SORCS2: variants seen among roughly 807,000 people sequenced by gnomAD.
SORCS2 encodes VPS10 domain-containing receptor SorCS2.
SORCS2 carries 100 observed loss-of-function variants against 141.6 expected under a neutral mutation model. That is an observed-to-expected ratio of 0.71 (90% CI 0.60 to 0.83). SORCS2 has a LOEUF of 0.83. Among genes scored for constraint, SORCS2 ranks in the 40% least tolerant of loss-of-function variants. SORCS2 has a pLI of 0.00. For missense variants in SORCS2, 1,646 were observed against 1,560.2 expected (o/e 1.05, Z -0.93); for synonymous variants, 789 against 676.9 (o/e 1.17, Z -2.57).
intron 1 of SORCS2, among the ~76,000 whole-genome samples, chr4:7,347,391 A>G (rs1577427954): frequency 1.3e-5 from 2 of 152,240 alleles, no homozygotes; most frequent in South Asian, 4.1e-4. Flanking sequence ...TCAAGGACAT[A>G]TCAGTGAATA....
chr4:7,565,168 C>A (rs910782977), intron 3 of SORCS2, among the ~76,000 whole-genome samples: 26 of 152,076 alleles, frequency 1.7e-4, no homozygotes, highest in African/African-American at 5.3e-4. Context: ...GACCGAGGAT[C>A]GATAAGACAT....
At chr4:7,661,381 CAG>C (rs1722153825) in intron 5 of SORCS2, 117 bp from the exon 6 acceptor site, 9 of 1,057,256 alleles carry the variant, frequency 8.5e-6, no homozygotes, top group East Asian at 2.6e-5. Flanking sequence ...TCCGGACCCA[CAG>C]AGCAAGGGCG....
chr4:7,634,652 A>G (rs996703751), intron 3 of SORCS2, among the ~76,000 whole-genome samples: 7 of 152,174 alleles, frequency 4.6e-5, no homozygotes, highest in African/African-American at 1.7e-4. Context: ...ATCTTCGAGG[A>G]GGGGGGTAAC....
At chr4:7,242,154 G>T (rs894169995) in intron 1 of SORCS2, among the ~76,000 whole-genome samples, 2 of 152,164 alleles carry the variant, frequency 1.3e-5, no homozygotes, top group Non-Finnish European at 2.9e-5. Context: ...AAGCGGCTGC[G>T]TGAGAGTCAC....
intron 1 of SORCS2, among the ~76,000 whole-genome samples, chr4:7,336,902 G>A (rs1002788417): frequency 3.3e-5 from 5 of 152,170 alleles, no homozygotes; most frequent in African/African-American, 7.2e-5. Context: ...GTGAGATCCT[G>A]GACTTGTCCC....
intron 1 of SORCS2, among the ~76,000 whole-genome samples, chr4:7,335,843 G>A (rs943321390): frequency 6.6e-6 from 1 of 152,238 alleles, no homozygotes; most frequent in Admixed American, 6.5e-5. Context: ...GGGATGCCTG[G>A]CATGGAGTGC....
At chr4:7,426,299 G>A (rs1345147502) in intron 2 of SORCS2, among the ~76,000 whole-genome samples, 1 of 36,422 alleles carries the variant, frequency 2.7e-5, no homozygotes, top group African/African-American at 1.7e-4. Context: ...GTGGCTTTGA[G>A]CCAGGGGAGG....
chr4:7,325,600 G>A (rs1045363930), intron 1 of SORCS2, among the ~76,000 whole-genome samples: 1 of 152,178 alleles, frequency 6.6e-6, no homozygotes, highest in African/African-American at 2.4e-5. Flanking sequence ...TTAACTCTAT[G>A]GATCTGGACT....
chr4:7,226,249 C>G (rs916917238), intron 1 of SORCS2, among the ~76,000 whole-genome samples: 2 of 152,108 alleles, frequency 1.3e-5, no homozygotes, highest in African/African-American at 4.8e-5. Context: ...CTCACTGAGC[C>G]CCTTTGGGAC....
chr4:7,732,948 C>T (rs1711817689), intron 23 of SORCS2, among the ~76,000 whole-genome samples: 1 of 151,932 alleles, frequency 6.6e-6, no homozygotes, highest in African/African-American at 2.4e-5. Context: ...ACTGGTCCAC[C>T]CAGCTCTCCC....
intron 3 of SORCS2, among the ~76,000 whole-genome samples, chr4:7,562,754 C>T (rs1478121494): frequency 6.6e-6 from 1 of 152,184 alleles, no homozygotes; most frequent in East Asian, 1.9e-4. Context: ...TTCCTTGCCT[C>T]TTCCAGCCTC....
intron 2 of SORCS2, among the ~76,000 whole-genome samples, chr4:7,496,273 A>T (rs1731609074): frequency 6.8e-6 from 1 of 147,670 alleles, no homozygotes; most frequent in Non-Finnish European, 1.5e-5. Context: ...TGTGTAGATA[A>T]GGAGCTAGAA....
At chr4:7,519,674 T>C (rs183406373) in intron 2 of SORCS2, among the ~76,000 whole-genome samples, 1 of 152,358 alleles carries the variant, frequency 6.6e-6, no homozygotes. Flanking sequence ...GCTGCTGGCA[T>C]GGAGCAACCT....
At chr4:7,552,953 G>A (rs1039616919) in intron 3 of SORCS2, among the ~76,000 whole-genome samples, 8 of 152,220 alleles carry the variant, frequency 5.3e-5, no homozygotes, top group African/African-American at 1.9e-4. Context: ...CAGAGAGGAA[G>A]GCAGAACTAG....
chr4:7,391,198 G>A (rs1323799108), intron 1 of SORCS2, among the ~76,000 whole-genome samples: 1 of 152,218 alleles, frequency 6.6e-6, no homozygotes, highest in Non-Finnish European at 1.5e-5. Context: ...GGTAAGGACA[G>A]CATTGACCTC....
At chr4:7,638,156 C>A (rs1247838202) in intron 3 of SORCS2, among the ~76,000 whole-genome samples, 172 bp from the exon 4 acceptor site, 1 of 152,164 alleles carries the variant, frequency 6.6e-6, no homozygotes, top group South Asian at 2.1e-4. Context: ...TTTCTGGGCA[C>A]TCCTCCCTGG....
At chr4:7,342,946 T>C (rs1379826428) in intron 1 of SORCS2, among the ~76,000 whole-genome samples, 1 of 152,138 alleles carries the variant, frequency 6.6e-6, no homozygotes, top group East Asian at 1.9e-4. Flanking sequence ...AAGGTCTCTG[T>C]CCTGGCTGTG....
chr4:7,653,004 C>G (rs2108896269), intron 4 of SORCS2, among the ~76,000 whole-genome samples: 1 of 152,100 alleles, frequency 6.6e-6, no homozygotes, highest in South Asian at 2.1e-4. Context: ...TCCCAGGCCC[C>G]CAGGACCAGC....
At chr4:7,683,373 A>C (rs1391641571) in intron 10 of SORCS2, among the ~76,000 whole-genome samples, 1 of 145,238 alleles carries the variant, frequency 6.9e-6, no homozygotes, top group Admixed American at 6.7e-5. Context: ...GTCTGGGCTC[A>C]GCTGGGTGGC....
Sources: allele counts gnomAD v4.1 joint callset (sites outside exome capture counted in the v4.1 genomes callset), GRCh38; gene constraint gnomAD v4.1.1; transcripts MANE v1.5; gene names NCBI Gene and HGNC (gene_info 2026-07-23, HGNC 2026-07-21).